MYH11: variants seen among roughly 807,000 people sequenced by gnomAD.
MYH11 encodes myosin heavy chain 11, also known as myosin-11.
A neutral mutation model predicts 246.6 loss-of-function variants in MYH11; 80 were observed. The ratio of observed to expected loss-of-function variants is 0.32; its 90% CI spans 0.27 to 0.39. MYH11 has a LOEUF of 0.39. Among genes scored for constraint, MYH11 ranks in the 10% least tolerant of loss-of-function variants. MYH11 has a pLI of 1.00. For synonymous variants in MYH11, 1,071 were observed against 1,015.5 expected, an observed-to-expected ratio of 1.05 and a Z score of -1.04; for missense variants, 2,158 against 2,546.8, an observed-to-expected ratio of 0.85 and a Z score of 3.29.
chr16:15,825,551 C>T (rs1463339500), intron 2 of MYH11, among the ~76,000 whole-genome samples: 1 of 151,798 alleles, frequency 6.6e-6, no homozygotes, highest in African/African-American at 2.4e-5. Flanking sequence ...AGAGCAAGAC[C>T]CTGTCTTGAA....
At chr16:15,784,638 C>G in intron 5 of MYH11, 3 of 1,590,564 alleles carry the variant, frequency 1.9e-6, no homozygotes, top group South Asian at 1.1e-5. Flanking sequence ...GAGGATCATG[C>G]AGATCTAAGT....
chr16:15,720,054 C>CA, intron 34 of MYH11, 97 bp downstream of exon 34: 2 of 1,517,558 alleles, frequency 1.3e-6, no homozygotes, highest in Non-Finnish European at 1.8e-6. Flanking sequence ...ATGGCAGGTG[C>CA]AGGCTTGCTT....
At chr16:15,843,694 C>T (rs1440401790) in intron 1 of MYH11, among the ~76,000 whole-genome samples, 12 of 109,850 alleles carry the variant, frequency 1.1e-4, no homozygotes, top group Admixed American at 2.2e-4. Flanking sequence ...AGTGAGACTC[C>T]GTCTCAAAAA....
intron 27 of MYH11, among the ~76,000 whole-genome samples, chr16:15,730,102 T>C (rs547993288): frequency 6.6e-6 from 1 of 152,100 alleles, no homozygotes; most frequent in Non-Finnish European, 1.5e-5. Context: ...GCTCTGGTCA[T>C]GTAAAACATG....
Position 15,776,191 on chromosome 16 carries a change from G to T in MYH11, c.791-15C>A, listed in dbSNP as rs1352711948. Reference sequence around the variant, plus strand: ...TTCTAGCAGATCTGGTTTGGAGGGAGTTAGGGATTCTGGGGATACTGCGGG... The same window carrying T: ...TTCTAGCAGATCTGGTTTGGAGGGATTTAGGGATTCTGGGGATACTGCGGG... On this transcript the variant is annotated splice_polypyrimidine_tract_variant and intron_variant, in intron 7 of 40. Transcript: ENST00000300036. The T allele has an allele frequency of 6.3e-7, 1 of 1,590,148 alleles. No individual in the cohort carries two copies. The highest frequency in any genetic ancestry group is 1.7e-5 in the Admixed American group (1 of 59,968).
chr16:15,801,169 G>A (rs2042876402), intron 3 of MYH11, among the ~76,000 whole-genome samples: 1 of 152,154 alleles, frequency 6.6e-6, no homozygotes, highest in African/African-American at 2.4e-5. Context: ...TCGTGCCACT[G>A]CATGCCAGGC....
rs1596737942 is a variant in MYH11, at chr16:15,726,789, C to T, written c.3858+59G>A. On this transcript the variant is annotated intron_variant, in intron 28 of 40. Transcript: ENST00000300036. ...CTCAGCGAGCCGGGAAGAGGCTCCT[C>T]CCCACAGAACTGGGCACCACCCAGC... The T allele has an allele frequency of 3.8e-6, 6 of 1,596,724 alleles. No homozygotes were observed. The East Asian group carries it at 1.3e-4, about 36-fold the overall frequency.
intron 40 of MYH11, among the ~76,000 whole-genome samples, chr16:15,709,343 C>T (rs1400707590): frequency 6.6e-6 from 1 of 151,880 alleles, no homozygotes; most frequent in African/African-American, 2.4e-5. Context: ...TTTTTTGATA[C>T]TCTGTCACCC....
chr16:15,756,069 G>C (rs1450509463), intron 14 of MYH11, among the ~76,000 whole-genome samples: 1 of 152,230 alleles, frequency 6.6e-6, no homozygotes, highest in Admixed American at 6.5e-5. Flanking sequence ...CTGCACTCCA[G>C]CCTGGGCGAC....
At chr16:15,798,177 A>G (rs1028657182) in intron 4 of MYH11, among the ~76,000 whole-genome samples, 4 of 152,206 alleles carry the variant, frequency 2.6e-5, no homozygotes, top group Admixed American at 2.0e-4. Flanking sequence ...TTGAGTTACT[A>G]TCTTCTGCCT....
chr16:15,739,925 A>C, intron 23 of MYH11, 126 bp downstream of exon 23: 4 of 991,680 alleles, frequency 4.0e-6, no homozygotes, highest in Non-Finnish European at 4.6e-6. Context: ...TATTTTTAGT[A>C]GAGATGGAGT....
intron 14 of MYH11, among the ~76,000 whole-genome samples, chr16:15,754,036 T>C (rs911231867): frequency 1.4e-5 from 2 of 144,932 alleles, no homozygotes; most frequent in African/African-American, 5.2e-5. Context: ...TGAAACCCCA[T>C]GTCTACTAAA....
At chr16:15,723,349 TATAA>T (rs1472113748) in intron 31 of MYH11, among the ~76,000 whole-genome samples, 1 of 152,110 alleles carries the variant, frequency 6.6e-6, no homozygotes, top group Non-Finnish European at 1.5e-5. Flanking sequence ...AATTAGTCTT[TATAA>T]ATAAATATGT....
At chr16:15,777,696 AAACATTGAGTT>A (rs1276635055) in intron 7 of MYH11, among the ~76,000 whole-genome samples, 1 of 152,136 alleles carries the variant, frequency 6.6e-6, no homozygotes, top group African/African-American at 2.4e-5. Flanking sequence ...GAAACGTAGA[AAACATTGAGTT>A]AACGCAATAG....
intron 40 of MYH11, among the ~76,000 whole-genome samples, chr16:15,707,893 A>T (rs558477303): frequency 1.4e-5 from 2 of 147,586 alleles, no homozygotes; most frequent in Non-Finnish European, 1.5e-5. Context: ...AATCGCTTGA[A>T]CCCAGGAGGC....
At position 15,724,242 on chromosome 16, in the gene MYH11, C is replaced by T. The variant is rs1435099547; in HGVS notation, c.4284G>A (p.Glu1428=). 1 of 1,614,088 alleles carries T rather than the reference C, an allele frequency of 6.2e-7. No homozygotes were observed. Among genetic ancestry groups the T allele is most frequent in the Admixed American group, 1.7e-5 (1 of 60,004 alleles). Residue 1428 remains glutamate (E), a synonymous_variant, in exon 31 of 41, where the codon GAG becomes GAA. Coordinates refer to ENST00000300036, the MANE Select transcript of MYH11 (RefSeq NM_002474.3). The part of the protein sequence containing the change: ...LEKTKNRLQQ[E]LDDLVVDLDN... The stretch of plus-strand genomic sequence containing the variant: ...CCAAATCAACAACCAGGTCGTCCAG[C>T]TCCTGCTGAAGCCTGTTCTTGGTCT...
At chr16:15,796,021 G>A (rs913978868) in intron 4 of MYH11, among the ~76,000 whole-genome samples, 4 of 152,134 alleles carry the variant, frequency 2.6e-5, no homozygotes, top group Non-Finnish European at 5.9e-5. Context: ...ATTAAAGGAA[G>A]GAAGCAAGCA....
chr16:15,749,729 A>G, intron 16 of MYH11: 1 of 264,816 alleles, frequency 3.8e-6, no homozygotes, highest in African/African-American at 2.2e-5. Flanking sequence ...CCTGGTTGTG[A>G]CAACCAAAAA....
chr16:15,807,296 T>C (rs896466677), intron 3 of MYH11, among the ~76,000 whole-genome samples: 11 of 152,110 alleles, frequency 7.2e-5, no homozygotes, highest in Admixed American at 2.6e-4. Context: ...CCGAGCTTCA[T>C]GACTTGCTTA....
Sources: allele counts gnomAD v4.1 joint callset (sites outside exome capture counted in the v4.1 genomes callset), GRCh38; gene constraint gnomAD v4.1.1; transcripts MANE v1.5; gene names NCBI Gene and HGNC (gene_info 2026-07-23, HGNC 2026-07-21).